Variants in STAT5A observed in about 807,000 individuals in gnomAD.
STAT5A encodes the protein epididymis secretory sperm binding protein.
Under a neutral mutation model 100.2 loss-of-function variants are expected in STAT5A, and 26 were observed. That is an observed-to-expected ratio of 0.26 (90% CI 0.19 to 0.36). The LOEUF is 0.36. Among genes scored for constraint, STAT5A ranks in the 10% least tolerant of loss-of-function variants. STAT5A has a pLI of 1.00. For missense variants in STAT5A, 634 were observed against 1,027.5 expected, an observed-to-expected ratio of 0.62 and a Z score of 5.24; for synonymous variants, 330 against 424.3, an observed-to-expected ratio of 0.78 and a Z score of 2.73.
intron 2 of STAT5A, 117 bp downstream of exon 2, chr17:42,289,656 C>G: frequency 6.8e-7 from 1 of 1,461,520 alleles, no homozygotes; most frequent in African/African-American, 1.4e-5. Flanking sequence ...CTTCTTTGTG[C>G]GGAAGGGGTG....
intron 4 of STAT5A, among the ~76,000 whole-genome samples, chr17:42,293,457 G>A (rs933796338): frequency 5.9e-5 from 9 of 152,094 alleles, no homozygotes; most frequent in Non-Finnish European, 8.8e-5. Flanking sequence ...CACCTGCCTC[G>A]GCCTCCCGAA....
chr17:42,291,782 C>G (rs533870790), intron 3 of STAT5A, among the ~76,000 whole-genome samples, 190 bp from the exon 4 acceptor site: 3 of 151,538 alleles, frequency 2.0e-5, no homozygotes, highest in African/African-American at 7.3e-5. Flanking sequence ...CGCTCCAAAC[C>G]AGATATGAAG....
chr17:42,310,343 G>T (rs2081068369), intron 18 of STAT5A, among the ~76,000 whole-genome samples, 164 bp from the exon 19 acceptor site: 2 of 152,248 alleles, frequency 1.3e-5, no homozygotes, highest in South Asian at 2.1e-4. Flanking sequence ...AGAAGCCAGT[G>T]GGCTGACTGC....
intron 13 of STAT5A, 127 bp downstream of exon 13, chr17:42,306,574 C>G: frequency 7.0e-7 from 1 of 1,438,418 alleles, no homozygotes; most frequent in Non-Finnish European, 9.5e-7. Flanking sequence ...CTCCTACAAC[C>G]AGGAGAGATG....
In STAT5A at chr17:42,310,812, G is replaced by A. The variant is rs2081073820; in HGVS notation, c.*143G>A. On this transcript the variant is annotated 3_prime_UTR_variant, in exon 19 of 19. Coordinates refer to ENST00000590949, the MANE Select transcript of STAT5A (RefSeq NM_001288718.2). ...TGTGTGTGTGTGTGTCCTTGTGCAT[G>A]AGCTACGCCTGCCTCCCCTGTGCAG... 1 of 1,403,054 alleles carries A rather than the reference G, an allele frequency of 7.1e-7. No individual in the cohort carries two copies. Among genetic ancestry groups the A allele is most frequent in the Non-Finnish European group, 9.6e-7 (1 of 1,043,334 alleles). The allele number at this position is 1,403,054 out of a possible 1,614,324, so 86.9% of individuals were successfully genotyped here. A position where few individuals can be genotyped will look rare whatever the true frequency, so the allele number is the denominator to read the frequency against.
In STAT5A at chr17:42,289,545, C is replaced by A; in HGVS notation, c.128+6C>A. ...TGGATTGAGAGCCAGCCATGGTAGG[C>A]ACGTCCCGCCCTGCCCCTCCTCAGA... On this transcript the variant is annotated splice_donor_region_variant and intron_variant, in intron 2 of 18. Transcript: ENST00000590949. The A allele has an allele frequency of 1.9e-6, 3 of 1,611,634 alleles. No individual in the cohort carries two copies. The South Asian group carries it at 3.3e-5, about 18-fold the overall frequency.
chr17:42,305,229 G>A (rs538691846), intron 11 of STAT5A, among the ~76,000 whole-genome samples: 2 of 152,152 alleles, frequency 1.3e-5, no homozygotes, highest in South Asian at 2.1e-4. Flanking sequence ...GCGGCCATGG[G>A]TGGTGGGTCT....
chr17:42,292,000 T>TG lies in STAT5A; in HGVS notation c.316dup (p.Val106GlyfsTer11), dbSNP rs1275354854. 1.9e-6 allele frequency: 3 copies of TG among 1,613,854 alleles called. No homozygotes were observed. Among genetic ancestry groups the TG allele is most frequent in the Non-Finnish European group, 1.7e-6 (2 of 1,179,940 alleles). On this transcript the variant is annotated frameshift_variant, in exon 4 of 19. Transcript: ENST00000590949. LOFTEE classifies it high-confidence loss of function. The stretch of plus-strand genomic sequence containing the variant: ...ACATATGACCGCTGCCCCCTGGAGC[T>TG]GGTCCGCTGCATCCGGCACATTCTG...
chr17:42,298,261 A>C (rs1040433066), intron 5 of STAT5A, among the ~76,000 whole-genome samples: 2 of 151,796 alleles, frequency 1.3e-5, no homozygotes, highest in Non-Finnish European at 2.9e-5. Context: ...CCCGGGTTCA[A>C]GCAATTCTCC....
At chr17:42,299,508 C>T (rs1455585197) in intron 5 of STAT5A, among the ~76,000 whole-genome samples, 1 of 152,184 alleles carries the variant, frequency 6.6e-6, no homozygotes, top group African/African-American at 2.4e-5. Context: ...TCCCCAGCTG[C>T]CCCAGCACCC....
chr17:42,307,526 C>G (rs775661897), intron 14 of STAT5A, 30 bp downstream of exon 14: 1 of 1,613,980 alleles, frequency 6.2e-7, no homozygotes, highest in South Asian at 1.1e-5. Flanking sequence ...GGGTCAGGGG[C>G]CAGCTGTGGG....
intron 5 of STAT5A, among the ~76,000 whole-genome samples, chr17:42,298,011 T>C (rs181559729): frequency 2.2e-5 from 3 of 137,018 alleles, no homozygotes; most frequent in Admixed American, 1.5e-4. Flanking sequence ...GGATTAATAG[T>C]CCCAGTGTGG....
rs570877723 is a variant in STAT5A, at chr17:42,299,631, G to C, written c.551-120G>C. 5.9e-6 allele frequency: 9 copies of C among 1,529,776 alleles called. No homozygotes were observed. The African/African-American group carries it at 9.6e-5, about 16-fold the overall frequency. The allele number at this position is 1,529,776 out of a possible 1,614,324, so 94.8% of individuals were successfully genotyped here. On this transcript the variant is annotated intron_variant, in intron 5 of 18. Coordinates refer to ENST00000590949, the MANE Select transcript of STAT5A (RefSeq NM_001288718.2). ...CCCTGGCTGTCAGGAACCCCGACTT[G>C]CTCTTGATGCAGTGTCTGAGCCTGG...
Position 42,292,023 on chromosome 17 carries a change from C to G in STAT5A, c.337C>G (p.Leu113Val), listed in dbSNP as rs2080873710. The G allele has an allele frequency of 6.2e-7, 1 of 1,613,910 alleles. No individual in the cohort carries two copies. The highest frequency in any genetic ancestry group is 8.5e-7 in the Non-Finnish European group (1 of 1,179,946). The part of the protein sequence containing the change: ...LELVRCIRHI[L>V]YNEQRLVREA... ...GCTGGTCCGCTGCATCCGGCACATT[C>G]TGTACAATGAACAGAGGCTGGTCCG... The change falls in exon 4 of 19, where the codon CTG becomes GTG. Residue 113 changes from leucine to valine, a missense_variant. By Grantham distance (32) the Leu-to-Val change is conservative. Around this residue, in one of 5 missense-constraint regions of STAT5A, gnomAD observed 207 missense variants for 256.6 expected, o/e 0.81. Transcript: ENST00000590949.
At chr17:42,303,246 C>CA (rs201255223) in intron 9 of STAT5A, among the ~76,000 whole-genome samples, 16 of 148,478 alleles carry the variant, frequency 1.1e-4, no homozygotes, top group Admixed American at 2.7e-4. Flanking sequence ...GACTCTGTTT[C>CA]AAAAAAAAAA....
At position 42,306,332 on chromosome 17, in the gene STAT5A, A is replaced by T; in HGVS notation, c.1565A>T (p.Asn522Ile). ...AAATTCAAGGCCGAAGTGCAGAGCA[A>T]CCGGGGCCTGACCAAGGAGAACCTC... is the stretch of plus-strand genomic sequence containing the variant. ...NMKFKAEVQS[N>I]RGLTKENLVF... Residue 522 changes from asparagine to isoleucine, a missense_variant, in exon 13 of 19, where the codon AAC (asparagine) becomes ATC (isoleucine). Around this residue, in one of 5 missense-constraint regions of STAT5A, gnomAD observed 210 missense variants for 428.4 expected, o/e 0.49. Coordinates refer to ENST00000590949, the MANE Select transcript of STAT5A (RefSeq NM_001288718.2). 4 of 1,614,094 alleles carry T rather than the reference A, an allele frequency of 2.5e-6. No homozygotes were observed. The highest frequency in any genetic ancestry group is 3.4e-6 in the Non-Finnish European group (4 of 1,179,966).
intron 15 of STAT5A, 81 bp downstream of exon 15, chr17:42,307,804 G>A (rs1315733083): frequency 6.4e-6 from 10 of 1,566,614 alleles, no homozygotes; most frequent in Non-Finnish European, 7.8e-6. Flanking sequence ...CCTCCATCGG[G>A]CCTGTGTCCT....
Position 42,306,451 on chromosome 17 carries a change from A to G in STAT5A, c.1680+4A>G. The G allele has an allele frequency of 6.2e-7, 1 of 1,609,366 alleles. No homozygotes were observed. On this transcript the variant is annotated splice_donor_region_variant and intron_variant, in intron 13 of 18. Coordinates refer to ENST00000590949, the MANE Select transcript of STAT5A (RefSeq NM_001288718.2). ...GTCCTGGTCCCAGTTCAACAGGGTG[A>G]GGGGCCCAGCTGCCAGCCGCCCACC...
intron 6 of STAT5A, 72 bp from the exon 7 acceptor site, chr17:42,300,058 T>A: frequency 8.6e-7 from 1 of 1,160,396 alleles, no homozygotes; most frequent in African/African-American, 1.7e-5. Flanking sequence ...GGCCCTGCCC[T>A]GCCATTTCCC....
Sources: allele counts gnomAD v4.1 joint callset (sites outside exome capture counted in the v4.1 genomes callset), GRCh38; gene constraint gnomAD v4.1.1; regional missense constraint gnomAD v4.1.1; transcripts MANE v1.5; gene names NCBI Gene and HGNC (gene_info 2026-07-23, HGNC 2026-07-21).